PKNOX1: variants seen among roughly 807,000 people sequenced by gnomAD.
PKNOX1 encodes PBX/knotted 1 homeobox 1.
In PKNOX1, 15 loss-of-function variants were observed where a neutral mutation model predicts 51.9. The ratio of observed to expected loss-of-function variants is 0.29; its 90% confidence interval spans 0.19 to 0.45. PKNOX1 has a LOEUF of 0.45. Ranked by LOEUF, PKNOX1 falls within the 20% of genes least tolerant of loss-of-function variation. The pLI is 1.00. For synonymous variants in PKNOX1, 219 were observed against 211.1 expected (o/e 1.04, Z -0.32); for missense variants, 462 against 547.5 (o/e 0.84, Z 1.56).
At chr21:43,008,061 TCACACACA>T (rs56932866) in intron 3 of PKNOX1, among the ~76,000 whole-genome samples, 2 of 146,876 alleles carry the variant, frequency 1.4e-5, no homozygotes, top group African/African-American at 5.2e-5. Flanking sequence ...CAAAACTCTG[TCACACACA>T]CACACACACA....
chr21:43,029,067 A>T, intron 10 of PKNOX1, 193 bp downstream of exon 10: 2 of 621,026 alleles, frequency 3.2e-6, no homozygotes, highest in Non-Finnish European at 2.9e-6. Context: ...AAGAGTTAGG[A>T]GCACCAGTAG....
chr21:43,002,526 C>T (rs1179200415), intron 1 of PKNOX1, among the ~76,000 whole-genome samples: 1 of 151,914 alleles, frequency 6.6e-6, no homozygotes, highest in Non-Finnish European at 1.5e-5. Context: ...TGAGTCCCAG[C>T]TCAGCCTCTG....
chr21:42,983,629 A>G (rs983536137), intron 1 of PKNOX1, among the ~76,000 whole-genome samples: 3 of 150,898 alleles, frequency 2.0e-5, no homozygotes, highest in Non-Finnish European at 4.4e-5. Context: ...TCCTACTTTC[A>G]ATTTTTTTGG....
intron 1 of PKNOX1, among the ~76,000 whole-genome samples, chr21:42,987,944 A>G (rs2059064055): frequency 6.6e-6 from 1 of 151,750 alleles, no homozygotes; most frequent in Non-Finnish European, 1.5e-5. Context: ...CCTGTAAAGA[A>G]AGCATACGTA....
At chr21:43,009,598 G>T (rs796329160) in intron 3 of PKNOX1, among the ~76,000 whole-genome samples, 5 of 109,056 alleles carry the variant, frequency 4.6e-5, no homozygotes, top group African/African-American at 1.9e-4. Flanking sequence ...GCGACAGAGT[G>T]AGACTCCATC....
At chr21:42,989,716 G>C (rs572382425) in intron 1 of PKNOX1, among the ~76,000 whole-genome samples, 16 of 152,242 alleles carry the variant, frequency 1.1e-4, no homozygotes, top group African/African-American at 3.1e-4. Context: ...ACCGCCCCCA[G>C]CCAAAAAGCA....
intron 8 of PKNOX1, chr21:43,024,365 C>T (rs1979898532): frequency 6.6e-6 from 1 of 152,352 alleles, no homozygotes; most frequent in Non-Finnish European, 1.5e-5. Flanking sequence ...CAGTGACTGT[C>T]TCAGCAGGTG....
intron 1 of PKNOX1, among the ~76,000 whole-genome samples, chr21:42,983,626 T>C (rs2059037410): frequency 6.6e-6 from 1 of 151,040 alleles, no homozygotes; most frequent in African/African-American, 2.5e-5. Flanking sequence ...AGATCCTACT[T>C]TCAATTTTTT....
chr21:43,009,866 A>G (rs952369326), intron 3 of PKNOX1, among the ~76,000 whole-genome samples, 187 bp from the exon 4 acceptor site: 7 of 152,188 alleles, frequency 4.6e-5, no homozygotes, highest in Admixed American at 2.0e-4. Context: ...AAATGTTCCA[A>G]AGTTGACGGC....
At chr21:42,992,417 C>A (rs2059092224) in intron 1 of PKNOX1, among the ~76,000 whole-genome samples, 1 of 152,172 alleles carries the variant, frequency 6.6e-6, no homozygotes, top group South Asian at 2.1e-4. Flanking sequence ...CTAGAGTAGT[C>A]TGGTCACAGC....
chr21:42,991,035 C>T (rs959858720), intron 1 of PKNOX1, among the ~76,000 whole-genome samples: 2 of 152,202 alleles, frequency 1.3e-5, no homozygotes, highest in Non-Finnish European at 2.9e-5. Flanking sequence ...GATGTTCCTG[C>T]ACAAGCTGCT....
intron 5 of PKNOX1, among the ~76,000 whole-genome samples, chr21:43,016,251 C>T (rs1979483524): frequency 6.6e-6 from 1 of 152,234 alleles, no homozygotes; most frequent in Non-Finnish European, 1.5e-5. Flanking sequence ...GATAAAGTGG[C>T]CCATGTGGAT....
At chr21:43,020,037 A>G (rs1979688014) in intron 7 of PKNOX1, among the ~76,000 whole-genome samples, 1 of 150,954 alleles carries the variant, frequency 6.6e-6, no homozygotes, top group South Asian at 2.1e-4. Context: ...GGCTCAAGCA[A>G]TCCTCCCACC....
chr21:42,982,731 C>CAA (rs10658050), intron 1 of PKNOX1, among the ~76,000 whole-genome samples: 79,469 of 129,282 alleles, frequency 0.61, 24,510 homozygotes, highest in East Asian at 0.71. Flanking sequence ...AACTCCATCT[C>CAA]AAAAAAAAAA....
At chr21:42,988,552 G>T (rs1232888518) in intron 1 of PKNOX1, among the ~76,000 whole-genome samples, 2 of 152,198 alleles carry the variant, frequency 1.3e-5, no homozygotes, top group African/African-American at 2.4e-5. Flanking sequence ...ATCACCATTA[G>T]AATTGTAAAG....
At chr21:43,028,449 CA>C (rs11394284) in intron 9 of PKNOX1, among the ~76,000 whole-genome samples, 36,290 of 149,826 alleles carry the variant, frequency 0.24, 4,739 homozygotes, top group Non-Finnish European at 0.29. Flanking sequence ...GGAGTTGAGA[CA>C]AAAAAAAAAA....
rs531521196 is a variant in PKNOX1, at chr21:43,001,724, G to A, written c.-56-2602G>A. Among the ~76,000 whole-genome samples the A allele has an allele frequency of 1.6e-4, 24 of 152,230 alleles. No individual in the cohort carries two copies. The South Asian group carries it at 4.6e-3, about 29-fold the overall frequency. On this transcript the variant is annotated intron_variant, in intron 1 of 10. Coordinates refer to ENST00000291547, the MANE Select transcript of PKNOX1 (RefSeq NM_004571.5). ...GGCTATAATCCCAGCACTTTGGGAG[G>A]CTGAGGCGGGCGGATCACAAGGTCA...
chr21:43,018,313 C>A, intron 7 of PKNOX1, 83 bp downstream of exon 7: 2 of 831,086 alleles, frequency 2.4e-6, no homozygotes, highest in Non-Finnish European at 4.1e-6. Flanking sequence ...GAGCCCTTCC[C>A]TCTGCCTGAA....
intron 8 of PKNOX1, among the ~76,000 whole-genome samples, chr21:43,023,916 ATTTTTT>A (rs71332388): frequency 7.3e-6 from 1 of 136,926 alleles, no homozygotes; most frequent in Non-Finnish European, 1.6e-5. Flanking sequence ...ACCTGGCCAG[ATTTTTT>A]TTTTTTTTTC....
Sources: allele counts gnomAD v4.1 joint callset (sites outside exome capture counted in the v4.1 genomes callset), GRCh38; gene constraint gnomAD v4.1.1; transcripts MANE v1.5; gene names NCBI Gene and HGNC (gene_info 2026-07-23, HGNC 2026-07-21).